CABYR: variants seen among roughly 807,000 people sequenced by gnomAD.
The protein encoded by CABYR is calcium binding tyrosine phosphorylation regulated.
Under a neutral mutation model 36.1 loss-of-function variants are expected in CABYR, and 31 were observed. That is an observed-to-expected ratio of 0.86 (90% CI 0.64 to 1.16). CABYR has a LOEUF of 1.16. Ranked by LOEUF, CABYR falls within the 50% of genes most tolerant of loss-of-function variation. The probability of loss-of-function intolerance (pLI) is 0.00; values close to 1 mark genes in which losing one functional copy is unlikely to be tolerated. For missense variants in CABYR, 429 were observed against 455.8 expected, an observed-to-expected ratio of 0.94 and a Z score of 0.53; for synonymous variants, 146 against 160.7, an observed-to-expected ratio of 0.91 and a Z score of 0.69.
At chr18:24,143,454 A>G (rs749366392) in intron 3 of CABYR, 41 bp downstream of exon 3, 3 of 1,163,022 alleles carry the variant, frequency 2.6e-6, no homozygotes, top group Admixed American at 5.0e-5. Flanking sequence ...AATGATGTTT[A>G]TTAATTATTG....
At position 24,159,621 on chromosome 18, in the gene CABYR, A is replaced by T; in HGVS notation, c.691A>T (p.Lys231Ter). ...PQATLYLPNPKDPQFQQHPPK... is the reference protein window; with the variant it reads ...PQATLYLPNP ...AGCAACCCTCTATTTACCTAATCCT[A>T]AGGATCCACAGTTTCAGCAGCATCC... Residue 231 changes from lysine to a stop codon, truncating the protein, a stop_gained, in exon 5 of 6, where the codon AAG (lysine) becomes TAG (stop). Coordinates refer to ENST00000399496, the MANE Select transcript of CABYR (RefSeq NM_153769.3). LOFTEE classifies it high-confidence loss of function. 6.2e-7 allele frequency: 1 copy of T among 1,613,780 alleles called. No homozygotes were observed. The highest frequency in any genetic ancestry group is 8.5e-7 in the Non-Finnish European group (1 of 1,179,928).
At chr18:24,156,692 G>A (rs1401405880) in intron 4 of CABYR, 2 of 1,614,152 alleles carry the variant, frequency 1.2e-6, no homozygotes, top group East Asian at 2.2e-5. Flanking sequence ...GTCAGCCTGA[G>A]GTACCTGCAC....
At chr18:24,146,467 T>G (rs8088144) in intron 3 of CABYR, among the ~76,000 whole-genome samples, 33,290 of 151,982 alleles carry the variant, frequency 0.22, 3,796 homozygotes, top group Admixed American at 0.24. Context: ...GAGAACCGCT[T>G]GAACCTGGGA....
chr18:24,150,910 G>A (rs939459847), intron 3 of CABYR, among the ~76,000 whole-genome samples: 4 of 151,706 alleles, frequency 2.6e-5, no homozygotes, highest in Non-Finnish European at 4.4e-5. Context: ...CTCCCGAATA[G>A]CTGGGACTAC....
chr18:24,156,057 ATTCATTCTG>A lies in CABYR; in HGVS notation c.541+16_541+24del. ...TCAGATGTTAGGTAAAGTTTCATCT[ATTCATTCTG>A]ATCAATCTGATGTGTTAATGGTGGA... On this transcript the variant is annotated intron_variant, in intron 4 of 5. Coordinates refer to ENST00000399496, the MANE Select transcript of CABYR (RefSeq NM_153769.3). The A allele has an allele frequency of 6.2e-7, 1 of 1,614,160 alleles. No individual in the cohort carries two copies. Among genetic ancestry groups the A allele is most frequent in the South Asian group, 1.1e-5 (1 of 91,080 alleles).
chr18:24,159,909 A>G lies in CABYR; in HGVS notation c.979A>G (p.Lys327Glu), dbSNP rs200362015. ...PPSGQDVPRP[K>E]SPVFLSVAFP... ...AAGTGGACAAGATGTCCCCAGGCCA[A>G]AAAGCCCTGTTTTCCTTTCTGTTGC... is the stretch of plus-strand genomic sequence containing the variant. The change falls in exon 5 of 6, where the codon AAA becomes GAA. Residue 327 changes from lysine (K) to glutamate (E), a missense_variant. Transcript: ENST00000399496. The G allele has an allele frequency of 1.9e-5, 31 of 1,614,190 alleles. No individual in the cohort carries two copies. Among genetic ancestry groups the G allele is most frequent in the Middle Eastern group, 3.3e-4 (2 of 6,062 alleles).
chr18:24,159,374 G>A, intron 4 of CABYR, 98 bp from the exon 5 acceptor site: 1 of 799,426 alleles, frequency 1.3e-6, no homozygotes, highest in South Asian at 1.6e-5. Context: ...TATCACTACA[G>A]CTGTTTTATA....
chr18:24,158,324 T>TA (rs1468132789), intron 4 of CABYR, among the ~76,000 whole-genome samples: 2 of 142,726 alleles, frequency 1.4e-5, no homozygotes. Context: ...TTATTTCTTT[T>TA]TTTTTTTTTT....
intron 4 of CABYR, chr18:24,156,517 C>A: frequency 1.2e-6 from 2 of 1,614,074 alleles, no homozygotes; most frequent in African/African-American, 1.3e-5. Context: ...AATGAGCAGT[C>A]ACCACGAGTT....
intron 3 of CABYR, among the ~76,000 whole-genome samples, chr18:24,149,743 G>C (rs138769888): frequency 0.063 from 9,548 of 152,330 alleles, 1,010 homozygotes; most frequent in African/African-American, 0.22. Flanking sequence ...GCACAGCGCC[G>C]GTGGGCTGGC....
At chr18:24,140,329 A>C (rs1254193063) in intron 1 of CABYR, 1 of 152,252 alleles carries the variant, frequency 6.6e-6, no homozygotes, top group African/African-American at 2.4e-5. Flanking sequence ...TATATGTATC[A>C]AATAGTATGT....
At chr18:24,142,875 TACAA>T (rs1388102094) in intron 1 of CABYR, among the ~76,000 whole-genome samples, 1 of 151,736 alleles carries the variant, frequency 6.6e-6, no homozygotes, top group Non-Finnish European at 1.5e-5. Context: ...TACTAAAAAA[TACAA>T]AAAATTAGCG....
At position 24,145,832 on chromosome 18, in the gene CABYR, C is replaced by T. The variant is rs371216808; in HGVS notation, c.199+2419C>T. ...TGAATAAAGTGTACTTTGAGGTATA[C>T]GTAGTGCACTATCATACACTAGGAA... On this transcript the variant is annotated intron_variant, in intron 3 of 5. Coordinates refer to ENST00000399496, the MANE Select transcript of CABYR (RefSeq NM_153769.3). Among the ~76,000 whole-genome samples, 6 of 152,222 alleles carry T rather than the reference C, an allele frequency of 3.9e-5. No individual in the cohort carries two copies. In the East Asian group the frequency reaches 1.2e-3, roughly 29 times the overall value.
At chr18:24,149,541 T>C (rs955439024) in intron 3 of CABYR, among the ~76,000 whole-genome samples, 1 of 152,238 alleles carries the variant, frequency 6.6e-6, no homozygotes, top group Non-Finnish European at 1.5e-5. Context: ...CCAGTCCTGG[T>C]GCCGTGCGCC....
In CABYR at chr18:24,159,673, T is replaced by A. The variant is rs1444392488; in HGVS notation, c.743T>A (p.Val248Glu). The change falls in exon 5 of 6, where the codon GTG becomes GAG. Residue 248 changes from valine to glutamate, a missense_variant. Coordinates refer to ENST00000399496, the MANE Select transcript of CABYR (RefSeq NM_153769.3). ...HPPKVTFPTY[V>E]MGDTKKTSAP... ...CCAAAAGTCACTTTTCCAACTTATG[T>A]GATGGGCGACACCAAGAAGACCAGT... 1 of 1,613,926 alleles carries A rather than the reference T, an allele frequency of 6.2e-7. No homozygotes were observed. Among genetic ancestry groups the A allele is most frequent in the South Asian group, 1.1e-5 (1 of 91,018 alleles).
intron 3 of CABYR, among the ~76,000 whole-genome samples, chr18:24,151,687 C>CTT (rs35513415): frequency 0.24 from 29,692 of 123,804 alleles, 4,093 homozygotes; most frequent in East Asian, 0.41. Context: ...CTAGTGTTGG[C>CTT]TTTTTTTTTT....
In CABYR at chr18:24,155,703, G is replaced by C; in HGVS notation, c.202G>C (p.Glu68Gln). 6.4e-7 allele frequency: 1 copy of C among 1,573,618 alleles called. No homozygotes were observed. Among genetic ancestry groups the C allele is most frequent in the Non-Finnish European group, 8.6e-7 (1 of 1,163,890 alleles). Reference protein sequence around the residue: ...LVKQFHQIKVEKWSEGTTPQK... With the variant: ...LVKQFHQIKVQKWSEGTTPQK... ...CCCATCTGGTTGTTGTTTTTCAGTA[G>C]AGAAATGGTCAGAAGGAACGACACC... Residue 68 changes from glutamate (E) to glutamine (Q), a missense_variant and splice_region_variant, in exon 4 of 6, where the codon GAG becomes CAG. Physicochemically the swap from Glu to Gln is conservative, Grantham distance 29. Transcript: ENST00000399496.
chr18:24,160,904 CCA>C (rs998076942), intron 5 of CABYR: 7 of 152,164 alleles, frequency 4.6e-5, no homozygotes, highest in African/African-American at 1.7e-4. Context: ...CACGGGGGTT[CCA>C]GAGACAGCGA....
At chr18:24,151,910 G>A (rs968118890) in intron 3 of CABYR, among the ~76,000 whole-genome samples, 1 of 152,026 alleles carries the variant, frequency 6.6e-6, no homozygotes, top group East Asian at 1.9e-4. Flanking sequence ...GGCTGGTCTC[G>A]AACTCCTGGC....
Sources: allele counts gnomAD v4.1 joint callset (sites outside exome capture counted in the v4.1 genomes callset), GRCh38; gene constraint gnomAD v4.1.1; transcripts MANE v1.5; gene names NCBI Gene and HGNC (gene_info 2026-07-23, HGNC 2026-07-21).